SMYD3: variants seen among roughly 807,000 people sequenced by gnomAD.
SMYD3 encodes SET and MYND domain containing 3.
SMYD3 carries 36 observed loss-of-function variants against 57.7 expected under a neutral mutation model. That is an observed-to-expected ratio of 0.62 (90% CI 0.48 to 0.82). The LOEUF (loss-of-function observed/expected upper bound fraction) is 0.82, where lower values mean the gene tolerates loss of function less well. Ranked by LOEUF, SMYD3 falls within the 40% of genes least tolerant of loss-of-function variation. SMYD3 has a pLI of 0.00. For synonymous variants in SMYD3, 211 were observed against 195.0 expected, an observed-to-expected ratio of 1.08 and a Z score of -0.68; for missense variants, 515 against 538.8, an observed-to-expected ratio of 0.96 and a Z score of 0.44.
In SMYD3 at chr1:246,066,583, A is replaced by T. The variant is rs763987047; in HGVS notation, c.532-136646T>A. 2.0e-5 allele frequency among the ~76,000 whole-genome samples: 3 copies of T among 152,366 alleles called. No individual in the cohort carries two copies. In the East Asian group the frequency reaches 5.8e-4, roughly 29 times the overall value. On this transcript the variant is annotated intron_variant, in intron 5 of 11. Coordinates refer to ENST00000490107, the MANE Select transcript of SMYD3 (RefSeq NM_001167740.2). ...GAGGCAAAAGCAGACAGTGCTGTTTAAGCTGCTCAGTAAAATTTGAGCTAA... is the reference window on the plus strand; with the variant it reads ...GAGGCAAAAGCAGACAGTGCTGTTTTAGCTGCTCAGTAAAATTTGAGCTAA...
chr1:245,774,265 G>A (rs2046451222), intron 10 of SMYD3, among the ~76,000 whole-genome samples: 5 of 152,174 alleles, frequency 3.3e-5, no homozygotes, highest in Non-Finnish European at 7.3e-5. Context: ...GCAGGATGGG[G>A]TCTAGTAGGA....
At chr1:246,477,463 A>G (rs1381532502) in intron 1 of SMYD3, among the ~76,000 whole-genome samples, 1 of 152,082 alleles carries the variant, frequency 6.6e-6, no homozygotes, top group Non-Finnish European at 1.5e-5. Flanking sequence ...GAAGGGAAAT[A>G]TCATTTATAG....
chr1:246,498,300 T>C lies in SMYD3; in HGVS notation c.164+8754A>G, dbSNP rs368607496. Among the ~76,000 whole-genome samples, 75 of 152,286 alleles carry C rather than the reference T, an allele frequency of 4.9e-4. 1 individual carries two copies. In the South Asian group the frequency reaches 0.015, roughly 30 times the overall value. On this transcript the variant is annotated intron_variant, in intron 1 of 11. Coordinates refer to ENST00000490107, the MANE Select transcript of SMYD3 (RefSeq NM_001167740.2). ...GCCTAAATATCCACACATAGGAAAT[T>C]AGAAAGTACAGTGGATACATAAAAT...
At chr1:245,911,758 G>A (rs1013326581) in intron 8 of SMYD3, among the ~76,000 whole-genome samples, 18 of 151,920 alleles carry the variant, frequency 1.2e-4, no homozygotes, top group African/African-American at 4.1e-4. Flanking sequence ...GGATTAAGAG[G>A]GGTTGGTTAA....
chr1:245,766,824 T>C (rs2046128065), intron 10 of SMYD3, among the ~76,000 whole-genome samples: 1 of 152,198 alleles, frequency 6.6e-6, no homozygotes, highest in Non-Finnish European at 1.5e-5. Context: ...GGTGTGTCAT[T>C]ACGCCATGAC....
intron 5 of SMYD3, among the ~76,000 whole-genome samples, chr1:246,060,903 G>C (rs1483177672): frequency 6.6e-6 from 1 of 152,170 alleles, no homozygotes; most frequent in East Asian, 1.9e-4. Context: ...ACAGAATGCT[G>C]ATTTTATTCA....
At chr1:246,343,803 G>A (rs890005556) in intron 2 of SMYD3, among the ~76,000 whole-genome samples, 7 of 151,974 alleles carry the variant, frequency 4.6e-5, no homozygotes, top group Non-Finnish European at 7.4e-5. Flanking sequence ...CTTCTACAAC[G>A]GCTTCTTCAA....
At chr1:245,912,984 C>A (rs1288092188) in intron 8 of SMYD3, among the ~76,000 whole-genome samples, 1 of 152,144 alleles carries the variant, frequency 6.6e-6, no homozygotes, top group South Asian at 2.1e-4. Context: ...ACTAGAAATA[C>A]CATTTGACCC....
intron 5 of SMYD3, among the ~76,000 whole-genome samples, chr1:246,224,914 C>G (rs2063306145): frequency 1.3e-5 from 2 of 151,860 alleles, no homozygotes; most frequent in African/African-American, 4.8e-5. Context: ...GCAGAGGGAG[C>G]CGAGGAATCA....
intron 10 of SMYD3, among the ~76,000 whole-genome samples, chr1:245,842,046 T>C (rs1182302193): frequency 6.6e-6 from 1 of 152,224 alleles, no homozygotes; most frequent in African/African-American, 2.4e-5. Flanking sequence ...AATAATGTCC[T>C]GTACAGGTTT....
At chr1:246,050,528 T>C (rs376624659) in intron 5 of SMYD3, among the ~76,000 whole-genome samples, 1 of 152,198 alleles carries the variant, frequency 6.6e-6, no homozygotes, top group Non-Finnish European at 1.5e-5. Flanking sequence ...GAAGAGGTTC[T>C]AAGTGTCAGG....
At chr1:246,328,349 G>C (rs1168859491) in intron 4 of SMYD3, among the ~76,000 whole-genome samples, 1 of 152,176 alleles carries the variant, frequency 6.6e-6, no homozygotes, top group Non-Finnish European at 1.5e-5. Context: ...AGGCTGAAAG[G>C]ATACAACAGG....
At chr1:245,859,526 G>A (rs536791696) in intron 9 of SMYD3, among the ~76,000 whole-genome samples, 33 of 152,322 alleles carry the variant, frequency 2.2e-4, no homozygotes, top group African/African-American at 6.3e-4. Flanking sequence ...TCAGAGGACT[G>A]AGGACATGGT....
intron 5 of SMYD3, among the ~76,000 whole-genome samples, chr1:246,030,040 T>A (rs1321779483): frequency 6.9e-6 from 1 of 145,244 alleles, no homozygotes. Context: ...AGAAAGGAAA[T>A]CAAAGGGATA....
chr1:245,882,937 T>C (rs2052867273), intron 8 of SMYD3, among the ~76,000 whole-genome samples: 1 of 152,208 alleles, frequency 6.6e-6, no homozygotes, highest in Non-Finnish European at 1.5e-5. Flanking sequence ...CAAACTGTTT[T>C]CAAGAGTACA....
At chr1:246,076,325 A>G (rs919858062) in intron 5 of SMYD3, among the ~76,000 whole-genome samples, 3 of 152,330 alleles carry the variant, frequency 2.0e-5, no homozygotes, top group Admixed American at 1.3e-4. Flanking sequence ...CATTTCCTAT[A>G]TATAGTTAGC....
At chr1:246,360,119 G>A (rs1256398922) in intron 1 of SMYD3, among the ~76,000 whole-genome samples, 2 of 152,134 alleles carry the variant, frequency 1.3e-5, no homozygotes, top group East Asian at 3.8e-4. Context: ...CAAAGTTTCA[G>A]GATACAAAAT....
chr1:245,815,325 T>G (rs1030347639), intron 10 of SMYD3, among the ~76,000 whole-genome samples: 1 of 152,220 alleles, frequency 6.6e-6, no homozygotes, highest in African/African-American at 2.4e-5. Flanking sequence ...TCCTTGCCTC[T>G]CATTCAGGGG....
At chr1:246,140,605 C>CTATT (rs2061738513) in intron 5 of SMYD3, among the ~76,000 whole-genome samples, 1 of 152,002 alleles carries the variant, frequency 6.6e-6, no homozygotes, top group Non-Finnish European at 1.5e-5. Flanking sequence ...GAAGGAAATG[C>CTATT]TATTTATTTA....
Sources: gnomAD v4.1 joint callset for allele counts (sites outside exome capture counted in the v4.1 genomes callset) on GRCh38, gnomAD v4.1.1 for gene constraint, MANE v1.5 for transcripts, NCBI Gene and HGNC (gene_info 2026-07-23, HGNC 2026-07-21) for gene names.